The following KIRREL1 variants were observed in gnomAD, a reference collection of about 807,000 sequenced individuals.
The protein encoded by KIRREL1 is kirre like nephrin family adhesion molecule 1, also known as kin of IRRE-like protein 1.
Under a neutral mutation model 83.3 loss-of-function variants are expected in KIRREL1, and 25 were observed. The observed-to-expected ratio is 0.30, with a 90% CI of 0.22 to 0.42. KIRREL1 has a LOEUF of 0.42. Ranked by LOEUF, KIRREL1 falls within the 10% of genes least tolerant of loss-of-function variation. The pLI is 1.00. For missense variants in KIRREL1, 812 were observed against 1,032.3 expected, an observed-to-expected ratio of 0.79 and a Z score of 2.92; for synonymous variants, 388 against 410.4, an observed-to-expected ratio of 0.95 and a Z score of 0.66.
intron 1 of KIRREL1, among the ~76,000 whole-genome samples, chr1:158,006,713 G>A (rs3856265): frequency 0.23 from 34,592 of 152,140 alleles, 4,224 homozygotes; most frequent in East Asian, 0.48. Flanking sequence ...GGGGGCTGGA[G>A]GACTCTGGTG....
Position 158,094,248 on chromosome 1 carries a change from G to A in KIRREL1, c.1720-65G>A, listed in dbSNP as rs1451251392. The A allele has an allele frequency of 7.1e-7, 1 of 1,410,352 alleles. No homozygotes were observed. Among genetic ancestry groups the A allele is most frequent in the Non-Finnish European group, 9.8e-7 (1 of 1,015,816 alleles). The allele number at this position is 1,410,352 out of a possible 1,614,324, so 87.4% of individuals were successfully genotyped here. ...CAGGTGGCCTCTGAGCGTGGGGAGG[G>A]GTTGGTGAGGGGCGAAAAGAGCAGG... On this transcript the variant is annotated intron_variant, in intron 13 of 14. Transcript: ENST00000359209. This position sits in a 1 kb window ranked among gnomAD's most constrained non-coding sequence, Gnocchi z 4.6.
rs566087664 is a variant in KIRREL1, at chr1:158,063,569, C to T, written c.53-12544C>T. Among the ~76,000 whole-genome samples the T allele has an allele frequency of 2.1e-4, 32 of 152,312 alleles. No individual in the cohort carries two copies. The South Asian group carries it at 4.6e-3, about 22-fold the overall frequency. ...ATAGAATGTGATGAGCAGGCAACTTCCCATTTTCCAGCTTGCCCATCCCAT... is the reference window on the plus strand; with the variant it reads ...ATAGAATGTGATGAGCAGGCAACTTTCCATTTTCCAGCTTGCCCATCCCAT... On this transcript the variant is annotated intron_variant, in intron 1 of 14. Transcript: ENST00000359209.
intron 8 of KIRREL1, 127 bp from the exon 9 acceptor site, chr1:158,089,375 A>G: frequency 1.3e-6 from 2 of 1,484,214 alleles, no homozygotes; most frequent in Non-Finnish European, 1.8e-6. Flanking sequence ...CGGGAACCCC[A>G]TTTCCCTTCT....
chr1:158,008,683 A>G (rs17452391), intron 1 of KIRREL1, among the ~76,000 whole-genome samples: 4,055 of 152,202 alleles, frequency 0.027, 77 homozygotes, highest in Middle Eastern at 0.071. Flanking sequence ...AGATGAAGAG[A>G]GAAAGGGCTC....
rs1384465791 is a variant in KIRREL1 at position 158,076,367 on chromosome 1, C to T, written c.202+105C>T. ...ACCATCCCTTAGTTCCCTCACCACC[C>T]TCCTCTGTGCCACAGCCTCCCCTCT... On this transcript the variant is annotated intron_variant, in intron 2 of 14. Coordinates refer to ENST00000359209, the MANE Select transcript of KIRREL1 (RefSeq NM_018240.7). The T allele has an allele frequency of 5.0e-6, 5 of 998,876 alleles. No homozygotes were observed. In the East Asian group the frequency reaches 9.6e-5, roughly 19 times the overall value. The allele number at this position is 998,876 out of a possible 1,614,324, so 61.9% of individuals were successfully genotyped here. A position where few individuals can be genotyped will look rare whatever the true frequency, so the allele number is the denominator to read the frequency against.
intron 3 of KIRREL1, 112 bp from the exon 4 acceptor site, chr1:158,084,310 C>A: frequency 1.9e-6 from 2 of 1,065,146 alleles, no homozygotes; most frequent in Non-Finnish European, 2.7e-6. Context: ...GTGGTACCGC[C>A]TACCTAGAGG....
chr1:158,051,893 C>T (rs1660918774), intron 1 of KIRREL1, among the ~76,000 whole-genome samples: 1 of 152,218 alleles, frequency 6.6e-6, no homozygotes, highest in African/African-American at 2.4e-5. Context: ...CTCTCAGCTT[C>T]CACCTTCTCC....
rs184123958 is a variant in KIRREL1, at chr1:158,017,461, G to A, written c.52+23733G>A. 7.6e-4 allele frequency among the ~76,000 whole-genome samples: 115 copies of A among 152,160 alleles called. 1 individual carries two copies. The highest frequency in any genetic ancestry group is 3.7e-3 in the Admixed American group (56 of 15,288). On this transcript the variant is annotated intron_variant, in intron 1 of 14. Coordinates refer to ENST00000359209, the MANE Select transcript of KIRREL1 (RefSeq NM_018240.7). The stretch of plus-strand genomic sequence containing the variant: ...AATCCCAGCACTTTGGGAAGCTGAG[G>A]AGGGCGGATCACTTGAGGACAGGAG...
intron 1 of KIRREL1, among the ~76,000 whole-genome samples, chr1:158,027,121 G>C (rs746213454): frequency 3.3e-5 from 5 of 152,182 alleles, no homozygotes; most frequent in Non-Finnish European, 7.3e-5. Context: ...TGTTTTACCT[G>C]CGCTTCTGAC....
chr1:158,052,430 A>G (rs1023930619), intron 1 of KIRREL1, among the ~76,000 whole-genome samples: 12 of 152,170 alleles, frequency 7.9e-5, no homozygotes, highest in Admixed American at 7.9e-4. Context: ...TGTACCTTGT[A>G]TTAGTCCATT....
intron 1 of KIRREL1, among the ~76,000 whole-genome samples, chr1:158,056,283 C>T (rs986379980): frequency 6.6e-6 from 1 of 152,244 alleles, no homozygotes; most frequent in African/African-American, 2.4e-5. Flanking sequence ...CCCGAGAAGC[C>T]CCTGCAGTGG....
intron 1 of KIRREL1, among the ~76,000 whole-genome samples, chr1:158,038,147 G>A (rs1005998379): frequency 6.6e-6 from 1 of 152,232 alleles, no homozygotes; most frequent in Non-Finnish European, 1.5e-5. Context: ...CCTGCTGGAG[G>A]AATAGAGGTC....
chr1:158,077,327 G>A (rs112218682), intron 2 of KIRREL1, among the ~76,000 whole-genome samples: 168 of 152,314 alleles, frequency 1.1e-3, no homozygotes, highest in Non-Finnish European at 2.0e-3. Context: ...TAGATATGGA[G>A]TGAGAAGAAT....
intron 1 of KIRREL1, among the ~76,000 whole-genome samples, chr1:157,994,392 G>A (rs1297668862): frequency 1.3e-5 from 2 of 150,254 alleles, no homozygotes; most frequent in South Asian, 2.2e-4. Flanking sequence ...TACAGAGGGG[G>A]GGAACTCACG....
chr1:158,006,391 G>A (rs531120122), intron 1 of KIRREL1, among the ~76,000 whole-genome samples: 1 of 152,156 alleles, frequency 6.6e-6, no homozygotes, highest in East Asian at 1.9e-4. Context: ...AACTGAACAC[G>A]TCTCCAGTCT....
rs115795051 is a variant in KIRREL1, at chr1:158,004,023, C to G, written c.52+10295C>G. Among the ~76,000 whole-genome samples, 1,107 of 152,222 alleles carry G rather than the reference C, an allele frequency of 7.3e-3. 6 individuals are homozygous for G. Among genetic ancestry groups the G allele is most frequent in the Non-Finnish European group, 0.011 (721 of 68,022 alleles). On this transcript the variant is annotated intron_variant, in intron 1 of 14. Coordinates refer to ENST00000359209, the MANE Select transcript of KIRREL1 (RefSeq NM_018240.7). Reference sequence around the variant, plus strand: ...ACCCGGTTCCTGGAATTGGGAAGCACCTAGAGTGACCTCCTCACCAGGGGG... The same window carrying G: ...ACCCGGTTCCTGGAATTGGGAAGCAGCTAGAGTGACCTCCTCACCAGGGGG...
intron 1 of KIRREL1, among the ~76,000 whole-genome samples, chr1:158,001,889 TTC>T (rs1290818977): frequency 6.6e-6 from 1 of 152,076 alleles, no homozygotes; most frequent in Non-Finnish European, 1.5e-5. Flanking sequence ...AGCAATGGAT[TTC>T]TGTTTTTTAA....
intron 1 of KIRREL1, among the ~76,000 whole-genome samples, chr1:158,050,566 A>T (rs968933448): frequency 6.6e-6 from 1 of 152,158 alleles, no homozygotes; most frequent in Admixed American, 6.5e-5. Context: ...TGCCCATTAA[A>T]GCCAGAAGCC....
At position 158,096,605 on chromosome 1, in the gene KIRREL1, G is replaced by A. The variant is rs1397167760; in HGVS notation, c.*1485G>A. ...CTTGTGCTGACCGGGAGAAGGTGGT[G>A]CGGAAGGGCACCGCAGGCATTACAC... On this transcript the variant is annotated 3_prime_UTR_variant, in exon 15 of 15. Coordinates refer to ENST00000359209, the MANE Select transcript of KIRREL1 (RefSeq NM_018240.7). 1 of 456,904 alleles carries A rather than the reference G, an allele frequency of 2.2e-6. No individual in the cohort carries two copies. The highest frequency in any genetic ancestry group is 7.0e-5 in the East Asian group (1 of 14,378). The allele number at this position is 456,904 out of a possible 1,614,324, so 28.3% of individuals were successfully genotyped here. A position where few individuals can be genotyped will look rare whatever the true frequency, so the allele number is the denominator to read the frequency against.
Sources: allele counts gnomAD v4.1 joint callset (sites outside exome capture counted in the v4.1 genomes callset), GRCh38; gene constraint gnomAD v4.1.1; non-coding constraint Gnocchi (gnomAD v3.1); transcripts MANE v1.5; gene names NCBI Gene and HGNC (gene_info 2026-07-23, HGNC 2026-07-21).